Variants in BBS7 observed in about 807,000 individuals in gnomAD.
The protein encoded by BBS7 is BBSome complex member BBS7.
Under a neutral mutation model 90.3 loss-of-function variants are expected in BBS7, and 50 were observed. The ratio of observed to expected loss-of-function variants is 0.55; its 90% CI spans 0.44 to 0.70. BBS7 has a LOEUF of 0.70. Ranked by LOEUF, BBS7 falls within the 30% of genes least tolerant of loss-of-function variation. The pLI is 0.00. For missense variants in BBS7, 729 were observed against 838.9 expected (o/e 0.87, Z 1.62); for synonymous variants, 235 against 287.4 (o/e 0.82, Z 1.85).
intron 13 of BBS7, among the ~76,000 whole-genome samples, chr4:121,837,011 G>A (rs1725493795): frequency 6.6e-6 from 1 of 151,610 alleles, no homozygotes; most frequent in Non-Finnish European, 1.5e-5. Context: ...CCAAGCTGAA[G>A]TACAGTGGCA....
At chr4:121,845,369 AAAAAAT>A (rs746301793) in intron 11 of BBS7, 129 bp downstream of exon 11, 31 of 494,414 alleles carry the variant, frequency 6.3e-5, no homozygotes, top group African/African-American at 1.0e-4. Context: ...CTCTGTCTCA[AAAAAAT>A]AAAAATAAAA....
At chr4:121,849,053 C>A in intron 8 of BBS7, 125 bp from the exon 9 acceptor site, 7 of 658,654 alleles carry the variant, frequency 1.1e-5, no homozygotes, top group South Asian at 1.6e-5. Context: ...TGTTTATGTG[C>A]AGACACTCAG....
At chr4:121,828,806 C>T in intron 15 of BBS7, 78 bp from the exon 16 acceptor site, 1 of 861,968 alleles carries the variant, frequency 1.2e-6, no homozygotes, top group Non-Finnish European at 1.8e-6. Context: ...ATGATTAGTA[C>T]TTAGAGTATA....
intron 4 of BBS7, among the ~76,000 whole-genome samples, chr4:121,860,387 A>T (rs1726909568): frequency 6.6e-6 from 1 of 152,110 alleles, no homozygotes; most frequent in Non-Finnish European, 1.5e-5. Context: ...TTCAAGTTAT[A>T]ACTTTTGTTT....
chr4:121,861,989 T>C (rs1727008182), intron 3 of BBS7, among the ~76,000 whole-genome samples: 1 of 152,192 alleles, frequency 6.6e-6, no homozygotes, highest in Admixed American at 6.5e-5. Context: ...GCAGATCAAC[T>C]GAATGAGAAT....
rs74784901 is a variant in BBS7, at chr4:121,854,087, C to T, written c.718+617G>A. On this transcript the variant is annotated intron_variant, in intron 7 of 18. Transcript: ENST00000264499. ...TCTTCTAAGAGGCTATCTTTGACTA[C>T]GTGGTCTAAAAGTGACCCTCCTCCT... 4.8e-4 allele frequency among the ~76,000 whole-genome samples: 73 copies of T among 152,288 alleles called. No homozygotes were observed. In the East Asian group the frequency reaches 0.013, roughly 26 times the overall value.
Position 121,863,368 on chromosome 4 carries a change from T to C in BBS7, c.103-89A>G, listed in dbSNP as rs1291011178. 26 of 1,163,084 alleles carry C rather than the reference T, an allele frequency of 2.2e-5. No individual in the cohort carries two copies. In the East Asian group the frequency reaches 6.5e-4, roughly 29 times the overall value. 72.0% of individuals were successfully genotyped at this position (1,163,084 alleles called of 1,614,324 possible). ...CAGGGAAAGCAAGATTCTTAATTTA[T>C]AAATACTGACTTAATAGAGATCAGA... On this transcript the variant is annotated intron_variant, in intron 2 of 18. Coordinates refer to ENST00000264499, the MANE Select transcript of BBS7 (RefSeq NM_176824.3).
At chr4:121,850,985 T>C (rs565992774) in intron 8 of BBS7, among the ~76,000 whole-genome samples, 3 of 152,336 alleles carry the variant, frequency 2.0e-5, no homozygotes, top group South Asian at 2.1e-4. Context: ...AGTGTCCAGT[T>C]GTTGTGTATA....
chr4:121,868,150 A>G, intron 1 of BBS7, 104 bp from the exon 2 acceptor site: 1 of 873,242 alleles, frequency 1.1e-6, no homozygotes, highest in Non-Finnish European at 1.9e-6. Context: ...TAGTGATATA[A>G]CTATTATCAG....
chr4:121,858,812 T>C (rs1452788869), intron 5 of BBS7, 180 bp downstream of exon 5: 34 of 639,108 alleles, frequency 5.3e-5, no homozygotes, highest in Non-Finnish European at 2.8e-5. Context: ...CTTAAAAACT[T>C]ACAAAACAAC....
rs1726999671 is a variant in BBS7, at chr4:121,861,810, A to C, written c.166-131T>G. ...TTCCACTATATAGAAATAATTTTAGATAATAATCTATATACTTCAGCAGGT... is the reference window on the plus strand; with the variant it reads ...TTCCACTATATAGAAATAATTTTAGCTAATAATCTATATACTTCAGCAGGT... On this transcript the variant is annotated intron_variant, in intron 3 of 18. Coordinates refer to ENST00000264499, the MANE Select transcript of BBS7 (RefSeq NM_176824.3). The C allele has an allele frequency of 4.7e-6, 4 of 858,660 alleles. No individual in the cohort carries two copies. In the Admixed American group the frequency reaches 6.9e-5, roughly 15 times the overall value. The allele number at this position is 858,660 out of a possible 1,614,324, so 53.2% of individuals were successfully genotyped here. A position where few individuals can be genotyped will look rare whatever the true frequency, so the allele number is the denominator to read the frequency against.
At chr4:121,839,042 T>A (rs1207515607) in intron 13 of BBS7, among the ~76,000 whole-genome samples, 9 of 152,092 alleles carry the variant, frequency 5.9e-5, no homozygotes, top group Non-Finnish European at 1.2e-4. Context: ...AGTTATGTTT[T>A]AAAAAAAGAG....
chr4:121,843,898 G>GT, intron 12 of BBS7, 29 bp downstream of exon 12: 1 of 1,442,826 alleles, frequency 6.9e-7, no homozygotes, highest in South Asian at 1.2e-5. Flanking sequence ...ATGAAAGCAT[G>GT]TGAAGAATTC....
intron 15 of BBS7, among the ~76,000 whole-genome samples, chr4:121,829,396 A>T (rs1280298407): frequency 2.0e-5 from 3 of 152,054 alleles, no homozygotes; most frequent in Admixed American, 1.3e-4. Context: ...CACTACACCC[A>T]GCTAATGTTT....
rs1725022392 is a variant in BBS7, at chr4:121,828,650, T to C, written c.1755A>G (p.Thr585=). 4 of 1,608,994 alleles carry C rather than the reference T, an allele frequency of 2.5e-6. No individual in the cohort carries two copies. The highest frequency in any genetic ancestry group is 1.7e-5 in the Admixed American group (1 of 59,946). Reference sequence around the variant, plus strand: ...ATATGTTGAGGTTAATTTTCCTTTTTGTAGCTTCTTTAGAAAGCACATCTT... The same window carrying C: ...ATATGTTGAGGTTAATTTTCCTTTTCGTAGCTTCTTTAGAAAGCACATCTT... ...ILKDVLSKEA[T]KRKINLNISY... Residue 585 remains threonine (T), a synonymous_variant, in exon 16 of 19, where the codon ACA becomes ACG. Transcript: ENST00000264499.
In BBS7 at chr4:121,845,500, T is replaced by A. The variant is rs1725959821; in HGVS notation, c.1230+4A>T. 1.9e-6 allele frequency: 3 copies of A among 1,607,928 alleles called. No individual in the cohort carries two copies. The highest frequency in any genetic ancestry group is 1.3e-5 in the African/African-American group (1 of 74,774). ...AAAACTAAGAAATTAGACATTTTGCTTACCTGTATTAAGACATTATCTATT... is the reference window on the plus strand; with the variant it reads ...AAAACTAAGAAATTAGACATTTTGCATACCTGTATTAAGACATTATCTATT... On this transcript the variant is annotated splice_donor_region_variant and intron_variant, in intron 11 of 18. Coordinates refer to ENST00000264499, the MANE Select transcript of BBS7 (RefSeq NM_176824.3).
At chr4:121,833,153 A>T in intron 15 of BBS7, 78 bp downstream of exon 15, 2 of 1,371,252 alleles carry the variant, frequency 1.5e-6, no homozygotes, top group Non-Finnish European at 2.1e-6. Flanking sequence ...CTCACAAATA[A>T]CTCCTAACTT....
chr4:121,867,149 T>C (rs528302385), intron 2 of BBS7, among the ~76,000 whole-genome samples: 36 of 152,254 alleles, frequency 2.4e-4, no homozygotes, highest in Admixed American at 4.6e-4. Flanking sequence ...TTCATTTCCT[T>C]GGTTAATTTA....
At chr4:121,837,674 A>G (rs758552575) in intron 13 of BBS7, among the ~76,000 whole-genome samples, 1 of 152,006 alleles carries the variant, frequency 6.6e-6, no homozygotes, top group Non-Finnish European at 1.5e-5. Flanking sequence ...TATTTTTATT[A>G]TGGTAGTTTT....
Sources: gnomAD v4.1 joint callset for allele counts (sites outside exome capture counted in the v4.1 genomes callset) on GRCh38, gnomAD v4.1.1 for gene constraint, MANE v1.5 for transcripts, NCBI Gene and HGNC (gene_info 2026-07-23, HGNC 2026-07-21) for gene names.